The following PYROXD1 variants were observed in gnomAD, a reference collection of about 807,000 sequenced individuals.
The protein encoded by PYROXD1 is pyridine nucleotide-disulphide oxidoreductase domain 1.
A neutral mutation model predicts 62.0 loss-of-function variants in PYROXD1; 42 were observed. That is an observed-to-expected ratio of 0.68 (90% CI 0.53 to 0.88). PYROXD1 has a LOEUF of 0.88. Among genes scored for constraint, PYROXD1 ranks in the 40% least tolerant of loss-of-function variants. PYROXD1 has a pLI of 0.00. For synonymous variants in PYROXD1, 170 were observed against 206.4 expected, an observed-to-expected ratio of 0.82 and a Z score of 1.51; for missense variants, 493 against 604.8, an observed-to-expected ratio of 0.82 and a Z score of 1.94.
In PYROXD1 at chr12:21,468,912, A is replaced by C. The variant is rs1215262346; in HGVS notation, c.*158A>C. The C allele has an allele frequency of 2.1e-5, 15 of 708,778 alleles. No homozygotes were observed. Among genetic ancestry groups the C allele is most frequent in the Non-Finnish European group, 3.3e-5 (15 of 448,814 alleles). 43.9% of individuals were successfully genotyped at this position (708,778 alleles called of 1,614,324 possible). A position where few individuals can be genotyped will look rare whatever the true frequency, so the allele number is the denominator to read the frequency against. On this transcript the variant is annotated 3_prime_UTR_variant, in exon 12 of 12. Coordinates refer to ENST00000240651, the MANE Select transcript of PYROXD1 (RefSeq NM_024854.5). ...GAAAAATATAAAAACATAAATTCTA[A>C]GTTTGAAATCAGTTCAAAGTTTATT...
In PYROXD1 at chr12:21,452,085, T is replaced by G; in HGVS notation, c.419T>G (p.Phe140Cys). ...GIRDTDSAQE[F>C]QKQLTKAKRI... ...ATTATTTTCTTTTTAACATAGGAAT[T>G]TCAGAAACAGCTTACTAAAGCTAAA... Residue 140 changes from phenylalanine to cysteine, a missense_variant, in exon 5 of 12, where the codon TTT becomes TGT. Phe to Cys is a radical substitution (Grantham distance 205, BLOSUM62 -2). Around this residue, in one of 2 missense-constraint regions of PYROXD1, gnomAD observed 329 missense variants for 446.6 expected, o/e 0.74. Transcript: ENST00000240651. 6.3e-7 allele frequency: 1 copy of G among 1,579,164 alleles called. No homozygotes were observed. The highest frequency in any genetic ancestry group is 8.6e-7 in the Non-Finnish European group (1 of 1,160,326).
chr12:21,454,920 T>C (rs1191423884), intron 5 of PYROXD1: 2 of 336,536 alleles, frequency 5.9e-6, no homozygotes, highest in Non-Finnish European at 1.1e-5. Flanking sequence ...TAAAGGTTCT[T>C]TCTGTAAACT....
At chr12:21,467,115 C>A (rs1383403701) in intron 10 of PYROXD1, among the ~76,000 whole-genome samples, 1 of 151,988 alleles carries the variant, frequency 6.6e-6, no homozygotes, top group Non-Finnish European at 1.5e-5. Context: ...GAAAATAGAA[C>A]AAATTCTTCA....
At chr12:21,441,883 G>A (rs1191347686) in intron 2 of PYROXD1, among the ~76,000 whole-genome samples, 1 of 152,248 alleles carries the variant, frequency 6.6e-6, no homozygotes, top group East Asian at 1.9e-4. Flanking sequence ...GCTGTGGAAA[G>A]ACCTTCCCCT....
rs1942890812 is a variant in PYROXD1, at chr12:21,469,892, T to TAA, written c.*1139_*1140dup. 1 of 216,718 alleles carries TAA rather than the reference T, an allele frequency of 4.6e-6. No homozygotes were observed. Among genetic ancestry groups the TAA allele is most frequent in the Non-Finnish European group, 9.1e-6 (1 of 109,966 alleles). 13.4% of individuals were successfully genotyped at this position (216,718 alleles called of 1,614,324 possible). A position where few individuals can be genotyped will look rare whatever the true frequency, so the allele number is the denominator to read the frequency against. On this transcript the variant is annotated 3_prime_UTR_variant, in exon 12 of 12. Transcript: ENST00000240651. ...GTTATGTCAAAAGAAAAAATATAGC[T>TAA]AAGTATATAAAGGCATAAAAAACTT...
chr12:21,467,160 A>G (rs531718457), intron 10 of PYROXD1: 33 of 187,716 alleles, frequency 1.8e-4, no homozygotes, highest in Admixed American at 4.3e-4. Context: ...TGGTGATGAC[A>G]AATTTTTGAA....
At chr12:21,466,961 G>C (rs1294650137) in intron 10 of PYROXD1, among the ~76,000 whole-genome samples, 2 of 151,902 alleles carry the variant, frequency 1.3e-5, no homozygotes, top group African/African-American at 2.4e-5. Context: ...GAATTAATAC[G>C]GTCATGCAAA....
chr12:21,437,871 T>A (rs1460707391), intron 1 of PYROXD1, 57 bp downstream of exon 1: 3 of 1,467,866 alleles, frequency 2.0e-6, no homozygotes, highest in Non-Finnish European at 2.8e-6. Flanking sequence ...GGGATAGCAC[T>A]GGAGGCCTTC....
intron 5 of PYROXD1, 101 bp from the exon 6 acceptor site, chr12:21,455,031 G>T: frequency 1.8e-6 from 1 of 546,202 alleles, no homozygotes; most frequent in South Asian, 6.3e-5. Context: ...CCTTAAAAAT[G>T]TATTCCCTAC....
At position 21,461,139 on chromosome 12, in the gene PYROXD1, G is replaced by A. The variant is rs1414837732; in HGVS notation, c.865G>A (p.Val289Ile). 3 of 1,548,772 alleles carry A rather than the reference G, an allele frequency of 1.9e-6. No individual in the cohort carries two copies. The highest frequency in any genetic ancestry group is 1.7e-6 in the Non-Finnish European group (2 of 1,150,212). Residue 289 changes from valine (V) to isoleucine (I), a missense_variant, in exon 8 of 12, where the codon GTT (valine) becomes ATT (isoleucine). Around this residue, in one of 2 missense-constraint regions of PYROXD1, gnomAD observed 329 missense variants for 446.6 expected, o/e 0.74. Transcript: ENST00000240651. ...SFTFPRDHKS[V>I]TADTEMWPVY... Reference sequence around the variant, plus strand: ...CACTTTTCCAAGAGACCATAAGTCAGTTACAGCTGATACAGGCAAGTAATG... The same window carrying A: ...CACTTTTCCAAGAGACCATAAGTCAATTACAGCTGATACAGGCAAGTAATG...
chr12:21,467,706 C>T (rs182835275), intron 11 of PYROXD1, 88 bp downstream of exon 11: 26 of 1,038,362 alleles, frequency 2.5e-5, no homozygotes, highest in East Asian at 2.0e-4. Flanking sequence ...TGAATAAAAA[C>T]GTACATAGTT....
rs1391326767 is a variant in PYROXD1 at position 21,471,152 on chromosome 12, CAA to C, written c.*2400_*2401del. On this transcript the variant is annotated 3_prime_UTR_variant, in exon 12 of 12. Coordinates refer to ENST00000240651, the MANE Select transcript of PYROXD1 (RefSeq NM_024854.5). The stretch of plus-strand genomic sequence containing the variant: ...AAGCTTTTGAAGGAATCACGGAAAA[CAA>C]ATTTATAAAAGAAATAACTATATGC... 6.7e-7 allele frequency: 1 copy of C among 1,491,924 alleles called. No individual in the cohort carries two copies. The highest frequency in any genetic ancestry group is 1.4e-5 in the African/African-American group (1 of 68,968). 92.4% of individuals were successfully genotyped at this position (1,491,924 alleles called of 1,614,324 possible).
chr12:21,467,934 T>C (rs1348677740), intron 11 of PYROXD1, among the ~76,000 whole-genome samples: 1 of 151,990 alleles, frequency 6.6e-6, no homozygotes, highest in Admixed American at 6.6e-5. Flanking sequence ...AACTAACTGC[T>C]GTTGTACTCA....
chr12:21,439,822 A>T (rs1418886741), intron 1 of PYROXD1, among the ~76,000 whole-genome samples: 3 of 152,192 alleles, frequency 2.0e-5, no homozygotes, highest in African/African-American at 7.2e-5. Context: ...ATACCTCTAA[A>T]TTTTGTGGAA....
At chr12:21,461,314 A>G (rs1375259656) in intron 8 of PYROXD1, among the ~76,000 whole-genome samples, 160 bp downstream of exon 8, 2 of 151,030 alleles carry the variant, frequency 1.3e-5, no homozygotes, top group South Asian at 2.1e-4. Context: ...AACTCACTTC[A>G]TTTCACTGTC....
chr12:21,470,184 A>G lies in PYROXD1; in HGVS notation c.*1430A>G. 6.2e-7 allele frequency: 1 copy of G among 1,610,520 alleles called. No individual in the cohort carries two copies. Among genetic ancestry groups the G allele is most frequent in the East Asian group, 2.2e-5 (1 of 44,764 alleles). On this transcript the variant is annotated 3_prime_UTR_variant, in exon 12 of 12. Transcript: ENST00000240651. ...ACCATCTTTAATTAGAAAATTTAGT[A>G]ACATTCATATCAGGCATCATCGATT...
At chr12:21,443,026 T>A (rs896457317) in intron 2 of PYROXD1, among the ~76,000 whole-genome samples, 3 of 152,188 alleles carry the variant, frequency 2.0e-5, no homozygotes, top group Admixed American at 6.5e-5. Context: ...TTGTTTTTTT[T>A]AATGGGGGAA....
chr12:21,445,041 A>C (rs1475705370), intron 2 of PYROXD1, among the ~76,000 whole-genome samples: 1 of 152,204 alleles, frequency 6.6e-6, no homozygotes, highest in African/African-American at 2.4e-5. Context: ...AAGGAAATAA[A>C]TAAGCTGTTT....
At chr12:21,442,406 T>C (rs1565543511) in intron 2 of PYROXD1, among the ~76,000 whole-genome samples, 1 of 152,176 alleles carries the variant, frequency 6.6e-6, no homozygotes. Flanking sequence ...TTACAGCAGC[T>C]TCAGTGTCAG....
Sources: allele counts gnomAD v4.1 joint callset (sites outside exome capture counted in the v4.1 genomes callset), GRCh38; gene constraint gnomAD v4.1.1; regional missense constraint gnomAD v4.1.1; transcripts MANE v1.5; gene names NCBI Gene and HGNC (gene_info 2026-07-23, HGNC 2026-07-21).